ADAM2: variants seen among roughly 807,000 people sequenced by gnomAD.
The protein encoded by ADAM2 is disintegrin and metalloproteinase domain-containing protein 2.
In ADAM2, 101 loss-of-function variants were observed where a neutral mutation model predicts 99.3. That is an observed-to-expected ratio of 1.02 (90% CI 0.87 to 1.20). ADAM2 has a LOEUF of 1.20. Ranked by LOEUF, ADAM2 falls within the 50% of genes most tolerant of loss-of-function variation. ADAM2 has a pLI of 0.00. For synonymous variants in ADAM2, 323 were observed against 287.6 expected, an observed-to-expected ratio of 1.12 and a Z score of -1.25; for missense variants, 948 against 878.7, an observed-to-expected ratio of 1.08 and a Z score of -1.00.
At chr8:39,796,676 T>C (rs1803969132) in intron 7 of ADAM2, among the ~76,000 whole-genome samples, 1 of 152,238 alleles carries the variant, frequency 6.6e-6, no homozygotes, top group South Asian at 2.1e-4. Flanking sequence ...AAAGTGTTCC[T>C]ATCTCTCCAC....
intron 10 of ADAM2, among the ~76,000 whole-genome samples, chr8:39,783,346 G>GGAT (rs1803310834): frequency 6.6e-6 from 1 of 152,016 alleles, no homozygotes; most frequent in Non-Finnish European, 1.5e-5. Context: ...TGCTGAGGTA[G>GGAT]GTTGTTTTTT....
At chr8:39,767,559 T>C (rs1802620237) in intron 12 of ADAM2, among the ~76,000 whole-genome samples, 1 of 152,164 alleles carries the variant, frequency 6.6e-6, no homozygotes, top group Non-Finnish European at 1.5e-5. Flanking sequence ...TAGACAGAGA[T>C]AGTTAAATAC....
intron 11 of ADAM2, among the ~76,000 whole-genome samples, chr8:39,776,004 A>G (rs1802974456): frequency 6.6e-6 from 1 of 152,098 alleles, no homozygotes. Flanking sequence ...CAAATCTCCT[A>G]CTGATACTTG....
chr8:39,761,847 C>T lies in ADAM2; in HGVS notation c.1508-566G>A, dbSNP rs531604879. 5.9e-5 allele frequency among the ~76,000 whole-genome samples: 9 copies of T among 152,158 alleles called. No individual in the cohort carries two copies. In the East Asian group the frequency reaches 1.2e-3, roughly 20 times the overall value. On this transcript the variant is annotated intron_variant, in intron 14 of 20. Transcript: ENST00000265708. ...CTGTAACCCCAGGACTTTGGGAGGC[C>T]GAGGCGGGCGGATCACGAGTTAAGG...
At chr8:39,772,038 C>T (rs975549196) in intron 11 of ADAM2, among the ~76,000 whole-genome samples, 12 of 149,828 alleles carry the variant, frequency 8.0e-5, no homozygotes, top group Non-Finnish European at 1.2e-4. Context: ...TGTAACAAAC[C>T]GCACGTTGTG....
At chr8:39,827,912 T>A (rs144140499) in intron 3 of ADAM2, among the ~76,000 whole-genome samples, 278 of 152,226 alleles carry the variant, frequency 1.8e-3, no homozygotes, top group African/African-American at 6.3e-3. Flanking sequence ...TTGATGAATA[T>A]GTTAATTAGC....
At chr8:39,799,005 AT>A (rs139259637) in intron 7 of ADAM2, among the ~76,000 whole-genome samples, 107,607 of 151,824 alleles carry the variant, frequency 0.71, 38,766 homozygotes, top group East Asian at 0.87. Flanking sequence ...GGATTCATTG[AT>A]TTTTTTGGAG....
chr8:39,826,072 T>A (rs1295188134), intron 3 of ADAM2, among the ~76,000 whole-genome samples: 1 of 152,192 alleles, frequency 6.6e-6, no homozygotes, highest in African/African-American at 2.4e-5. Context: ...TTAAGAATGT[T>A]TTATAGTTTT....
intron 7 of ADAM2, among the ~76,000 whole-genome samples, chr8:39,800,044 A>G (rs1804135687): frequency 6.6e-6 from 1 of 152,064 alleles, no homozygotes; most frequent in African/African-American, 2.4e-5. Flanking sequence ...TACTATTGCT[A>G]TGTGTGAATG....
At chr8:39,799,064 T>C (rs189300135) in intron 7 of ADAM2, among the ~76,000 whole-genome samples, 11 of 152,200 alleles carry the variant, frequency 7.2e-5, no homozygotes, top group Non-Finnish European at 1.2e-4. Context: ...ATCTTAGTTA[T>C]TTCTTGTCTT....
In ADAM2 at chr8:39,746,643, A is replaced by G. The variant is rs1325902390; in HGVS notation, c.2015-12T>C. On this transcript the variant is annotated splice_polypyrimidine_tract_variant and intron_variant, in intron 18 of 20. Transcript: ENST00000265708. Reference sequence around the variant, plus strand: ...AATGTAGCGCCTTTCTAGAAGAAAAAAAAATCAAAGATTTGAAAGCAAGCA... The same window carrying G: ...AATGTAGCGCCTTTCTAGAAGAAAAGAAAATCAAAGATTTGAAAGCAAGCA... 6.4e-7 allele frequency: 1 copy of G among 1,553,956 alleles called. No homozygotes were observed. Among genetic ancestry groups the G allele is most frequent in the South Asian group, 1.3e-5 (1 of 79,308 alleles).
intron 4 of ADAM2, 78 bp downstream of exon 4, chr8:39,824,741 C>CA (rs1405620715): frequency 1.3e-6 from 1 of 793,982 alleles, no homozygotes; most frequent in East Asian, 2.5e-5. Context: ...ACTTTAGACT[C>CA]TAATAACATG....
At chr8:39,834,224 T>C (rs1805727587) in intron 2 of ADAM2, among the ~76,000 whole-genome samples, 1 of 152,158 alleles carries the variant, frequency 6.6e-6, no homozygotes, top group Admixed American at 6.5e-5. Context: ...TATTTGTTTA[T>C]TTTGAAATGT....
intron 11 of ADAM2, among the ~76,000 whole-genome samples, chr8:39,769,950 C>CTTTTTTTTTTTTTTTTTTTTT (rs60250805): frequency 7.4e-6 from 1 of 134,854 alleles, no homozygotes; most frequent in Admixed American, 7.7e-5. Context: ...TTTCTTTTTT[C>CTTTTTTTTTTTTTTTTTTTTT]TTTTTTTTTT....
At chr8:39,784,875 T>G (rs1040668889) in intron 10 of ADAM2, among the ~76,000 whole-genome samples, 1 of 152,136 alleles carries the variant, frequency 6.6e-6, no homozygotes, top group Non-Finnish European at 1.5e-5. Flanking sequence ...TGTTCATGTC[T>G]TTTGCCCATT....
intron 7 of ADAM2, among the ~76,000 whole-genome samples, chr8:39,794,651 G>A (rs1803863576): frequency 6.6e-6 from 1 of 152,036 alleles, no homozygotes; most frequent in Non-Finnish European, 1.5e-5. Context: ...TCCCTATCCT[G>A]TTTTGTTCTG....
At chr8:39,837,880 A>G (rs974579911) in intron 1 of ADAM2, among the ~76,000 whole-genome samples, 3 of 152,102 alleles carry the variant, frequency 2.0e-5, no homozygotes, top group Admixed American at 6.5e-5. Context: ...TGAAACTACA[A>G]TTTTGAAGCA....
chr8:39,835,092 G>T (rs1357788087), intron 2 of ADAM2, among the ~76,000 whole-genome samples: 1 of 152,158 alleles, frequency 6.6e-6, no homozygotes, highest in Non-Finnish European at 1.5e-5. Context: ...GGCACCAGGG[G>T]TTAGGACTTC....
intron 7 of ADAM2, among the ~76,000 whole-genome samples, chr8:39,798,293 T>C (rs935343078): frequency 2.6e-5 from 4 of 152,260 alleles, no homozygotes; most frequent in African/African-American, 9.6e-5. Flanking sequence ...TCTAGTGAGA[T>C]AATCATATGG....
Sources: allele counts gnomAD v4.1 joint callset (sites outside exome capture counted in the v4.1 genomes callset), GRCh38; gene constraint gnomAD v4.1.1; transcripts MANE v1.5; gene names NCBI Gene and HGNC (gene_info 2026-07-23, HGNC 2026-07-21).